TLCD3A: variants seen among roughly 807,000 people sequenced by gnomAD.
TLCD3A encodes TLC domain-containing protein 3A.
Under a neutral mutation model 29.9 loss-of-function variants are expected in TLCD3A, and 17 were observed. The observed-to-expected ratio is 0.57, with a 90% CI of 0.39 to 0.85. The LOEUF is 0.85. Ranked by LOEUF, TLCD3A falls within the 40% of genes least tolerant of loss-of-function variation. The pLI, the probability that TLCD3A is intolerant of heterozygous loss-of-function variation, is 0.00. For missense variants in TLCD3A, 332 were observed against 350.8 expected, an observed-to-expected ratio of 0.95 and a Z score of 0.43; for synonymous variants, 143 against 147.7, an observed-to-expected ratio of 0.97 and a Z score of 0.23.
At position 741,690 on chromosome 17, in the gene TLCD3A, G is replaced by A. The variant is rs963128119; in HGVS notation, c.*120G>A. ...GGTATTGATAAGCCGATGGATTTGA[G>A]TTTTTCTAAAGAATATTCATATTAC... On this transcript the variant is annotated 3_prime_UTR_variant, in exon 5 of 5. Transcript: ENST00000308278. The A allele has an allele frequency of 8.1e-6, 10 of 1,241,456 alleles. No individual in the cohort carries two copies. Among genetic ancestry groups the A allele is most frequent in the Non-Finnish European group, 1.1e-5 (10 of 911,386 alleles). The allele number at this position is 1,241,456 out of a possible 1,614,324, so 76.9% of individuals were successfully genotyped here.
chr17:741,966 G>A lies in TLCD3A; in HGVS notation c.*396G>A, dbSNP rs1469775795. 1.3e-5 allele frequency: 3 copies of A among 227,328 alleles called. No individual in the cohort carries two copies. Among genetic ancestry groups the A allele is most frequent in the Admixed American group, 1.1e-4 (2 of 18,962 alleles). 14.1% of individuals were successfully genotyped at this position (227,328 alleles called of 1,614,324 possible). On this transcript the variant is annotated 3_prime_UTR_variant, in exon 5 of 5. Coordinates refer to ENST00000308278, the MANE Select transcript of TLCD3A (RefSeq NM_024792.3). ...TTCCAAACCACTCAGGACAGTACCC[G>A]TGGCACTGGGCCCGCAGAAGCAAGG...
At chr17:733,848 A>G (rs1177452824) in intron 2 of TLCD3A, among the ~76,000 whole-genome samples, 1 of 151,972 alleles carries the variant, frequency 6.6e-6, no homozygotes, top group Non-Finnish European at 1.5e-5. Context: ...CTGGAATCAC[A>G]CTCACTTTCT....
intron 2 of TLCD3A, among the ~76,000 whole-genome samples, chr17:734,212 T>A (rs1974120233): frequency 6.6e-6 from 1 of 151,796 alleles, no homozygotes; most frequent in South Asian, 2.1e-4. Flanking sequence ...AAAGACAGGG[T>A]CTCACTATGT....
chr17:739,425 G>T (rs1974214607), intron 3 of TLCD3A, among the ~76,000 whole-genome samples: 1 of 152,148 alleles, frequency 6.6e-6, no homozygotes, highest in Non-Finnish European at 1.5e-5. Flanking sequence ...CTGACCTCAG[G>T]TGATCCACCT....
chr17:735,832 G>A lies in TLCD3A; in HGVS notation c.207-2014G>A, dbSNP rs368770708. On this transcript the variant is annotated intron_variant, in intron 2 of 4. Transcript: ENST00000308278. Reference sequence around the variant, plus strand: ...AAAGAAAAAAAAAAAGAAAATAGCCGGACGTGGCGGCAGGTACCTGTAATC... The same window carrying A: ...AAAGAAAAAAAAAAAGAAAATAGCCAGACGTGGCGGCAGGTACCTGTAATC... Among the ~76,000 whole-genome samples the A allele has an allele frequency of 1.6e-4, 24 of 151,782 alleles. No homozygotes were observed. The East Asian group carries it at 4.1e-3, about 26-fold the overall frequency.
intron 3 of TLCD3A, among the ~76,000 whole-genome samples, chr17:739,302 C>T (rs1974213006): frequency 6.6e-6 from 1 of 152,106 alleles, no homozygotes; most frequent in Admixed American, 6.5e-5. Flanking sequence ...GATTCTCCTG[C>T]CTCAGCCTTC....
At chr17:741,084 GA>G (rs1974245787) in intron 4 of TLCD3A, among the ~76,000 whole-genome samples, 1 of 152,190 alleles carries the variant, frequency 6.6e-6, no homozygotes, top group Non-Finnish European at 1.5e-5. Context: ...TGGAGAAAAT[GA>G]GGTTATTTGC....
chr17:735,657 CT>C (rs1974142928), intron 2 of TLCD3A, among the ~76,000 whole-genome samples: 1 of 152,020 alleles, frequency 6.6e-6, no homozygotes, highest in Non-Finnish European at 1.5e-5. Flanking sequence ...AGTATGGCAT[CT>C]TTTTGGCCAA....
chr17:741,455 T>G lies in TLCD3A; in HGVS notation c.659T>G (p.Phe220Cys), dbSNP rs1171201330. The G allele has an allele frequency of 6.2e-7, 1 of 1,614,234 alleles. No homozygotes were observed. The highest frequency in any genetic ancestry group is 1.7e-5 in the Admixed American group (1 of 60,036). The change falls in exon 5 of 5, where the codon TTC becomes TGC. Residue 220 changes from phenylalanine (F) to cysteine (C), a missense_variant. Phe to Cys is a radical substitution (Grantham distance 205, BLOSUM62 -2). Transcript: ENST00000308278. ...CTCCAAGTACCCTTCAGCATCCCAT[T>G]CTACTGCAACGTGGCCAATGCCTTC... ...SLLQVPFSIPFYCNVANAFLV... is the reference protein window; with the variant it reads ...SLLQVPFSIPCYCNVANAFLV...
chr17:738,094 G>GTATTTT, intron 3 of TLCD3A, 47 bp downstream of exon 3: 113 of 428,386 alleles, frequency 2.6e-4, no homozygotes, highest in Non-Finnish European at 3.7e-4. Context: ...TGAGCTGGGT[G>GTATTTT]TCTTTTTTTT....
rs773234177 is a variant in TLCD3A at position 733,201 on chromosome 17, C to A, written c.206+20C>A. ...CGGCAGGTAAGAGCCCGGGCCGGGGCCTTGTTGCAAATGTCACATTTCAGT... is the reference window on the plus strand; with the variant it reads ...CGGCAGGTAAGAGCCCGGGCCGGGGACTTGTTGCAAATGTCACATTTCAGT... On this transcript the variant is annotated intron_variant, in intron 2 of 4. Coordinates refer to ENST00000308278, the MANE Select transcript of TLCD3A (RefSeq NM_024792.3). 5.1e-5 allele frequency: 78 copies of A among 1,521,366 alleles called. No homozygotes were observed. Among genetic ancestry groups the A allele is most frequent in the Middle Eastern group, 5.1e-4 (3 of 5,888 alleles). 94.2% of individuals were successfully genotyped at this position (1,521,366 alleles called of 1,614,324 possible). A position where few individuals can be genotyped will look rare whatever the true frequency, so the allele number is the denominator to read the frequency against.
chr17:735,394 A>G (rs925682011), intron 2 of TLCD3A, among the ~76,000 whole-genome samples: 2 of 152,238 alleles, frequency 1.3e-5, no homozygotes. Flanking sequence ...CATTTTACAA[A>G]GAAAGTTAAA....
chr17:737,783 C>T (rs77532869), intron 2 of TLCD3A, 63 bp from the exon 3 acceptor site: 76,509 of 1,449,442 alleles, frequency 0.053, 2,889 homozygotes, highest in African/African-American at 0.15. Flanking sequence ...CCAAGCTTGG[C>T]TGTGAGCCTT....
Position 739,008 on chromosome 17 carries a change from G to A in TLCD3A, c.408+961G>A, listed in dbSNP as rs138629507. 9.3e-4 allele frequency among the ~76,000 whole-genome samples: 141 copies of A among 152,288 alleles called. 3 individuals carry two copies. The highest frequency in any genetic ancestry group is 3.2e-3 in the African/African-American group (134 of 41,532). Reference sequence around the variant, plus strand: ...CAACATAACAGTGCCAGAGAGCACTGTGTGGATTATTCTTAGGTCACAAAA... The same window carrying A: ...CAACATAACAGTGCCAGAGAGCACTATGTGGATTATTCTTAGGTCACAAAA... On this transcript the variant is annotated intron_variant, in intron 3 of 4. Coordinates refer to ENST00000308278, the MANE Select transcript of TLCD3A (RefSeq NM_024792.3).
In TLCD3A at chr17:741,419, G is replaced by A; in HGVS notation, c.623G>A (p.Gly208Glu). The A allele has an allele frequency of 1.2e-6, 2 of 1,614,202 alleles. No homozygotes were observed. Among genetic ancestry groups the A allele is most frequent in the Non-Finnish European group, 1.7e-6 (2 of 1,180,036 alleles). ...TACTGGTCCTATGGCCGCCAGCAGGGACTAAGCCTGCTCCAAGTACCCTTC... is the reference window on the plus strand; with the variant it reads ...TACTGGTCCTATGGCCGCCAGCAGGAACTAAGCCTGCTCCAAGTACCCTTC... ...FMYWSYGRQQ[G>E]LSLLQVPFSI... The change falls in exon 5 of 5, where the codon GGA becomes GAA. Residue 208 changes from glycine to glutamate, a missense_variant. By Grantham distance (98) the Gly-to-Glu change is moderately conservative. Transcript: ENST00000308278.
intron 3 of TLCD3A, among the ~76,000 whole-genome samples, 177 bp downstream of exon 3, chr17:738,224 T>C (rs1166912493): frequency 6.7e-6 from 1 of 149,982 alleles, no homozygotes; most frequent in Non-Finnish European, 1.5e-5. Context: ...GCCTCCTGAG[T>C]AGCTGGGATT....
At position 742,474 on chromosome 17, in the gene TLCD3A, A is replaced by G. The variant is rs1385024381; in HGVS notation, c.*904A>G. On this transcript the variant is annotated 3_prime_UTR_variant, in exon 5 of 5. Transcript: ENST00000308278. ...TCCTTTTCATGTGATGTGGAAACCT[A>G]CTTCTGTCCTCCAAACCATGAAATG... The G allele has an allele frequency of 1.3e-5, 2 of 152,160 alleles. No homozygotes were observed. The highest frequency in any genetic ancestry group is 1.9e-4 in the East Asian group (1 of 5,202). The allele number at this position is 152,160 out of a possible 1,614,324, so 9.4% of individuals were successfully genotyped here. A position where few individuals can be genotyped will look rare whatever the true frequency, so the allele number is the denominator to read the frequency against.
At chr17:741,038 C>T (rs778909810) in intron 4 of TLCD3A, among the ~76,000 whole-genome samples, 11 of 152,188 alleles carry the variant, frequency 7.2e-5, no homozygotes, top group Non-Finnish European at 1.6e-4. Context: ...GTACTCCTGT[C>T]AGCTGGGTGG....
chr17:733,026 A>AGGGCT (rs141977343), intron 1 of TLCD3A, 72 bp from the exon 2 acceptor site: 10 of 1,470,326 alleles, frequency 6.8e-6, no homozygotes, highest in South Asian at 1.2e-5. Flanking sequence ...GTCAGGCCGA[A>AGGGCT]GGGCCGGGCC....
Sources: gnomAD v4.1 joint callset for allele counts (sites outside exome capture counted in the v4.1 genomes callset) on GRCh38, gnomAD v4.1.1 for gene constraint, MANE v1.5 for transcripts, NCBI Gene and HGNC (gene_info 2026-07-23, HGNC 2026-07-21) for gene names.